The following GABRB1 variants were observed in gnomAD, a reference collection of about 807,000 sequenced individuals.
The protein encoded by GABRB1 is gamma-aminobutyric acid type A receptor subunit beta1.
GABRB1 carries 17 observed loss-of-function variants against 51.6 expected under a neutral mutation model. That is an observed-to-expected ratio of 0.33 (90% CI 0.23 to 0.49). The LOEUF (loss-of-function observed/expected upper bound fraction) is 0.49, where lower values mean the gene tolerates loss of function less well. Among genes scored for constraint, GABRB1 ranks in the 20% least tolerant of loss-of-function variants. The pLI is 0.99. For synonymous variants in GABRB1, 247 were observed against 218.9 expected, an observed-to-expected ratio of 1.13 and a Z score of -1.14; for missense variants, 410 against 600.6, an observed-to-expected ratio of 0.68 and a Z score of 3.32.
At chr4:47,350,265 G>T (rs1380781870) in intron 5 of GABRB1, among the ~76,000 whole-genome samples, 1 of 131,002 alleles carries the variant, frequency 7.6e-6, no homozygotes, top group Admixed American at 7.8e-5. Context: ...ATTCATTAAT[G>T]TGTGTATATA....
chr4:47,298,619 C>A (rs1403474017), intron 4 of GABRB1, among the ~76,000 whole-genome samples: 5 of 152,228 alleles, frequency 3.3e-5, no homozygotes, highest in Non-Finnish European at 5.9e-5. Context: ...ACATTCCATG[C>A]TCATGGGTAG....
rs1269324782 is a variant in GABRB1 at position 47,254,372 on chromosome 4, T to G, written c.462-65755T>G. 5.5e-4 allele frequency among the ~76,000 whole-genome samples: 68 copies of G among 122,660 alleles called. 1 individual carries two copies. The highest frequency in any genetic ancestry group is 8.2e-4 in the Non-Finnish European group (48 of 58,806). The allele number at this position is 122,660 out of a possible 152,430, so 80.5% of individuals were successfully genotyped here. ...TGTTTCTTTTCTTTGTTTTTTTTTT[T>G]TTTTTTTTTTTTTTTTTTTTGAGGC... On this transcript the variant is annotated intron_variant, in intron 4 of 8. Coordinates refer to ENST00000295454, the MANE Select transcript of GABRB1 (RefSeq NM_000812.4).
intron 3 of GABRB1, among the ~76,000 whole-genome samples, chr4:47,095,226 C>G (rs1041545592): frequency 6.6e-6 from 1 of 151,810 alleles, no homozygotes; most frequent in African/African-American, 2.4e-5. Context: ...AAGCAACTCT[C>G]ATAACACCAG....
chr4:47,206,880 G>A (rs1445887774), intron 4 of GABRB1, among the ~76,000 whole-genome samples: 1 of 151,222 alleles, frequency 6.6e-6, no homozygotes, highest in Non-Finnish European at 1.5e-5. Context: ...GTGTGTGTAT[G>A]TATATATATA....
intron 4 of GABRB1, among the ~76,000 whole-genome samples, chr4:47,266,418 G>A (rs1185896453): frequency 1.3e-5 from 2 of 151,912 alleles, no homozygotes; most frequent in East Asian, 3.9e-4. Context: ...TCTTTTTTTG[G>A]TTCCATATAC....
intron 5 of GABRB1, among the ~76,000 whole-genome samples, chr4:47,338,669 A>G (rs894031975): frequency 1.3e-5 from 2 of 152,204 alleles, no homozygotes; most frequent in African/African-American, 4.8e-5. Flanking sequence ...TGCTAAGCAG[A>G]CAACTTTTCA....
At chr4:47,255,829 G>C (rs1722176653) in intron 4 of GABRB1, among the ~76,000 whole-genome samples, 1 of 152,166 alleles carries the variant, frequency 6.6e-6, no homozygotes, top group Admixed American at 6.5e-5. Context: ...CACACTTTGA[G>C]AACCATTGGA....
chr4:47,189,643 A>C (rs1327225050), intron 4 of GABRB1, among the ~76,000 whole-genome samples: 1 of 151,896 alleles, frequency 6.6e-6, no homozygotes, highest in African/African-American at 2.4e-5. Flanking sequence ...TATTTTTAAT[A>C]GTTGATTCGC....
At chr4:47,085,311 T>C (rs558222170) in intron 3 of GABRB1, among the ~76,000 whole-genome samples, 23 of 152,332 alleles carry the variant, frequency 1.5e-4, no homozygotes, top group African/African-American at 5.0e-4. Flanking sequence ...AAAAAGAATC[T>C]ATAGTACATG....
intron 4 of GABRB1, among the ~76,000 whole-genome samples, chr4:47,246,860 C>A (rs1054301512): frequency 6.6e-6 from 1 of 151,876 alleles, no homozygotes; most frequent in East Asian, 1.9e-4. Flanking sequence ...CCTTAGCCCA[C>A]TTTTTGATGG....
intron 4 of GABRB1, among the ~76,000 whole-genome samples, chr4:47,251,126 G>C (rs140098188): frequency 1.3e-5 from 2 of 152,286 alleles, no homozygotes; most frequent in Non-Finnish European, 1.5e-5. Flanking sequence ...AGATTCCTTT[G>C]TCCCATAGGG....
chr4:47,283,254 A>C (rs992740445), intron 4 of GABRB1, among the ~76,000 whole-genome samples: 1 of 151,866 alleles, frequency 6.6e-6, no homozygotes, highest in Non-Finnish European at 1.5e-5. Context: ...TCTGTTTCAA[A>C]CAAGACACTA....
At chr4:47,121,153 C>T (rs1715758131) in intron 3 of GABRB1, among the ~76,000 whole-genome samples, 1 of 152,154 alleles carries the variant, frequency 6.6e-6, no homozygotes, top group Non-Finnish European at 1.5e-5. Context: ...GTTGGGTAAA[C>T]TCAGGCTCTG....
rs189963431 is a variant in GABRB1, at chr4:47,145,195, G to T, written c.241-16054G>T. ...CCAAGGGGGAAAAGATGTTGGAAAA[G>T]TAGGTTGAGCTAGATTATTGAAAAC... On this transcript the variant is annotated intron_variant, in intron 3 of 8. Transcript: ENST00000295454. Among the ~76,000 whole-genome samples the T allele has an allele frequency of 1.6e-3, 241 of 152,140 alleles. 1 individual carries two copies. The highest frequency in any genetic ancestry group is 2.4e-3 in the Non-Finnish European group (166 of 67,958).
intron 5 of GABRB1, among the ~76,000 whole-genome samples, chr4:47,348,119 C>A (rs543181168): frequency 1.8e-4 from 27 of 152,134 alleles, no homozygotes; most frequent in Non-Finnish European, 2.5e-4. Flanking sequence ...ACACAGTAAC[C>A]TTTTAATCAA....
intron 3 of GABRB1, among the ~76,000 whole-genome samples, chr4:47,091,628 C>T (rs1181590343): frequency 6.6e-6 from 1 of 152,154 alleles, no homozygotes; most frequent in Non-Finnish European, 1.5e-5. Flanking sequence ...GCTCTCCTCT[C>T]ACCTCCCCAT....
chr4:47,063,330 T>TA lies in GABRB1; in HGVS notation c.240+30853dup, dbSNP rs371999610. 8.5e-3 allele frequency among the ~76,000 whole-genome samples: 1,292 copies of TA among 152,146 alleles called. 14 individuals carry two copies. Among genetic ancestry groups the TA allele is most frequent in the African/African-American group, 0.029 (1,183 of 41,500 alleles). On this transcript the variant is annotated intron_variant, in intron 3 of 8. Coordinates refer to ENST00000295454, the MANE Select transcript of GABRB1 (RefSeq NM_000812.4). Reference sequence around the variant, plus strand: ...TATGAAAGTGAATATTTATTTAAGATAAAAAAACACAGCAAATTTATAAAT... The same window carrying TA: ...TATGAAAGTGAATATTTATTTAAGATAAAAAAAACACAGCAAATTTATAAAT...
At chr4:47,117,616 G>A (rs1715562720) in intron 3 of GABRB1, among the ~76,000 whole-genome samples, 1 of 152,148 alleles carries the variant, frequency 6.6e-6, no homozygotes, top group Non-Finnish European at 1.5e-5. Flanking sequence ...CACTTGGGTA[G>A]CAATAAGACT....
At chr4:47,407,013 A>G in intron 8 of GABRB1, 87 bp downstream of exon 8, 3 of 1,268,186 alleles carry the variant, frequency 2.4e-6, no homozygotes, top group South Asian at 1.5e-5. Context: ...AAAACGATTA[A>G]TAAAAAAATA....
Sources: gnomAD v4.1 joint callset for allele counts (sites outside exome capture counted in the v4.1 genomes callset) on GRCh38, gnomAD v4.1.1 for gene constraint, MANE v1.5 for transcripts, NCBI Gene and HGNC (gene_info 2026-07-23, HGNC 2026-07-21) for gene names.